Variants in NRG3 observed in about 807,000 individuals in gnomAD.
The protein encoded by NRG3 is pro-neuregulin-3, membrane-bound isoform.
In NRG3, 31 loss-of-function variants were observed where a neutral mutation model predicts 66.9. That is an observed-to-expected ratio of 0.46 (90% confidence interval 0.35 to 0.63). The LOEUF is 0.63. Among genes scored for constraint, NRG3 ranks in the 20% least tolerant of loss-of-function variants. The pLI is 0.00. For missense variants in NRG3, 910 were observed against 878.9 expected, an observed-to-expected ratio of 1.04 and a Z score of -0.45; for synonymous variants, 393 against 359.4, an observed-to-expected ratio of 1.09 and a Z score of -1.06.
At chr10:82,226,320 T>A (rs538097715) in intron 1 of NRG3, among the ~76,000 whole-genome samples, 2 of 152,258 alleles carry the variant, frequency 1.3e-5, no homozygotes, top group East Asian at 3.9e-4. Context: ...GGACATTTGA[T>A]CATGTGTAGG....
intron 2 of NRG3, among the ~76,000 whole-genome samples, chr10:82,398,332 C>T (rs1462556797): frequency 1.3e-5 from 2 of 152,164 alleles, no homozygotes; most frequent in Admixed American, 1.3e-4. Flanking sequence ...AGGAAGGTTA[C>T]TGAAAACCCA....
At chr10:81,914,745 T>A (rs546759674) in intron 1 of NRG3, among the ~76,000 whole-genome samples, 1 of 128,012 alleles carries the variant, frequency 7.8e-6, no homozygotes, top group East Asian at 2.5e-4. Context: ...AACAGAGTGA[T>A]AGCCTGTCTT....
intron 2 of NRG3, among the ~76,000 whole-genome samples, chr10:82,427,376 C>A (rs2089517222): frequency 6.6e-6 from 1 of 152,062 alleles, no homozygotes; most frequent in East Asian, 1.9e-4. Flanking sequence ...TTCTGACAGT[C>A]TTTCTTATGA....
chr10:82,105,186 C>G (rs1223433751), intron 1 of NRG3, among the ~76,000 whole-genome samples: 2 of 152,058 alleles, frequency 1.3e-5, no homozygotes, highest in African/African-American at 4.8e-5. Context: ...CTATGGAATA[C>G]AGATTATGAT....
intron 3 of NRG3, among the ~76,000 whole-genome samples, chr10:82,755,123 T>A (rs2059025328): frequency 6.6e-6 from 1 of 152,062 alleles, no homozygotes; most frequent in Non-Finnish European, 1.5e-5. Context: ...GTTTGAGTTT[T>A]TTTCCTGTTC....
At chr10:82,346,549 A>G (rs1278249163) in intron 1 of NRG3, among the ~76,000 whole-genome samples, 3 of 152,050 alleles carry the variant, frequency 2.0e-5, no homozygotes, top group South Asian at 2.1e-4. Flanking sequence ...GTCTCTGCCC[A>G]GCTTTGGTAT....
intron 3 of NRG3, among the ~76,000 whole-genome samples, chr10:82,761,741 T>C (rs1040837339): frequency 6.6e-6 from 1 of 151,736 alleles, no homozygotes; most frequent in Admixed American, 6.6e-5. Flanking sequence ...ATGAAATAAT[T>C]ATTTAGAAAG....
chr10:82,506,745 A>C (rs1016250647), intron 2 of NRG3, among the ~76,000 whole-genome samples: 1 of 152,192 alleles, frequency 6.6e-6, no homozygotes, highest in African/African-American at 2.4e-5. Context: ...TTTTTTATGC[A>C]TTACACTATA....
chr10:82,569,777 A>G (rs1410123897), intron 2 of NRG3, among the ~76,000 whole-genome samples: 2 of 151,644 alleles, frequency 1.3e-5, no homozygotes, highest in Non-Finnish European at 3.0e-5. Flanking sequence ...ATGTACAAAT[A>G]ACTCACAAAT....
At chr10:82,746,519 G>T (rs2058652477) in intron 3 of NRG3, among the ~76,000 whole-genome samples, 1 of 152,084 alleles carries the variant, frequency 6.6e-6, no homozygotes, top group South Asian at 2.1e-4. Context: ...GGGCATTCAG[G>T]AGCCTCTGTC....
intron 3 of NRG3, among the ~76,000 whole-genome samples, chr10:82,816,479 G>T (rs756300216): frequency 6.6e-6 from 1 of 151,970 alleles, no homozygotes; most frequent in African/African-American, 2.4e-5. Context: ...GAGTCCAGCT[G>T]AGTCCAGGGT....
At chr10:82,164,270 A>G (rs2071855018) in intron 1 of NRG3, among the ~76,000 whole-genome samples, 3 of 152,116 alleles carry the variant, frequency 2.0e-5, no homozygotes, top group Non-Finnish European at 4.4e-5. Flanking sequence ...TAGATGTCAT[A>G]TTTTGTTACA....
At chr10:82,303,893 A>T (rs945427709) in intron 1 of NRG3, among the ~76,000 whole-genome samples, 1 of 151,962 alleles carries the variant, frequency 6.6e-6, no homozygotes, top group African/African-American at 2.4e-5. Context: ...AATAAATAAA[A>T]AAGAAGATGA....
At chr10:82,517,626 CCCG>C (rs1271845919) in intron 2 of NRG3, among the ~76,000 whole-genome samples, 130 of 62,464 alleles carry the variant, frequency 2.1e-3, no homozygotes, top group African/African-American at 0.015. Flanking sequence ...TCTCTCTCAC[CCCG>C]CCCCCCCGTG....
At chr10:82,481,368 T>C (rs1842255390) in intron 2 of NRG3, among the ~76,000 whole-genome samples, 1 of 152,056 alleles carries the variant, frequency 6.6e-6, no homozygotes, top group Non-Finnish European at 1.5e-5. Context: ...GCGTGTCTGA[T>C]CCCCCTTATT....
chr10:82,924,115 A>C (rs1003670095), intron 4 of NRG3, among the ~76,000 whole-genome samples: 1 of 151,156 alleles, frequency 6.6e-6, no homozygotes, highest in Non-Finnish European at 1.5e-5. Flanking sequence ...AAAAAGGTAG[A>C]AAGAGATGGT....
rs180888221 is a variant in NRG3 at position 82,593,453 on chromosome 10, A to G, written c.954-145124A>G. Among the ~76,000 whole-genome samples, 97 of 152,348 alleles carry G rather than the reference A, an allele frequency of 6.4e-4. No individual in the cohort carries two copies. In the Middle Eastern group the frequency reaches 0.01, roughly 16 times the overall value. On this transcript the variant is annotated intron_variant, in intron 2 of 8. Coordinates refer to ENST00000372141, the MANE Select transcript of NRG3 (RefSeq NM_001010848.4). ...TAGGAGCTACCTTTATTTATAAAGA[A>G]GCATGCTGTAGTGAGAATTCTTTGC...
At chr10:82,175,759 G>A (rs2072984675) in intron 1 of NRG3, among the ~76,000 whole-genome samples, 1 of 152,088 alleles carries the variant, frequency 6.6e-6, no homozygotes, top group African/African-American at 2.4e-5. Context: ...ATGATGTCAG[G>A]TAATCTGTGC....
intron 1 of NRG3, among the ~76,000 whole-genome samples, chr10:82,254,586 A>G (rs2077626752): frequency 6.6e-6 from 1 of 152,118 alleles, no homozygotes; most frequent in Admixed American, 6.6e-5. Context: ...AGAAATATAT[A>G]TTTACCTATA....
Sources: allele counts gnomAD v4.1 joint callset (sites outside exome capture counted in the v4.1 genomes callset), GRCh38; gene constraint gnomAD v4.1.1; transcripts MANE v1.5; gene names NCBI Gene and HGNC (gene_info 2026-07-23, HGNC 2026-07-21).